The following USP40 variants were observed in gnomAD, a reference collection of about 807,000 sequenced individuals.
USP40 encodes ubiquitin specific peptidase 40.
USP40 carries 143 observed loss-of-function variants against 166.2 expected under a neutral mutation model. That is an observed-to-expected ratio of 0.86 (90% CI 0.75 to 0.99). USP40 has a LOEUF of 0.99. USP40 is among the 50% of genes least tolerant of loss of function. USP40 has a pLI of 0.00. For synonymous variants in USP40, 498 were observed against 524.0 expected (o/e 0.95, Z 0.68); for missense variants, 1,444 against 1,479.7 (o/e 0.98, Z 0.40).
At chr2:233,528,456 G>A (rs1330695294) in intron 12 of USP40, among the ~76,000 whole-genome samples, 5 of 152,144 alleles carry the variant, frequency 3.3e-5, no homozygotes, top group African/African-American at 4.8e-5. Flanking sequence ...GGCTTATCAC[G>A]CAACTCACGT....
intron 31 of USP40, among the ~76,000 whole-genome samples, chr2:233,479,317 T>C (rs774481305): frequency 2.8e-4 from 42 of 152,086 alleles, no homozygotes; most frequent in Non-Finnish European, 5.1e-4. Flanking sequence ...GTAATCCCAG[T>C]ACTTTGGGAG....
In USP40 at chr2:233,554,380, C is replaced by T. The variant is rs769480814; in HGVS notation, c.693G>A (p.Lys231=). ...GTCDRLVKAA[K]SAKLRKLPPF... Reference sequence around the variant, plus strand: ...GGAAAAAGCAGTTATCTGTCTTTACCTTTGCTGCTTTAACCAGCCTGTCAC... The same window carrying T: ...GGAAAAAGCAGTTATCTGTCTTTACTTTTGCTGCTTTAACCAGCCTGTCAC... The change falls in exon 6 of 32, where the codon AAG becomes AAA. Residue 231 remains lysine, a splice_region_variant and synonymous_variant. Transcript: ENST00000678225. 1 of 1,608,036 alleles carries T rather than the reference C, an allele frequency of 6.2e-7. No homozygotes were observed. The highest frequency in any genetic ancestry group is 1.1e-5 in the South Asian group (1 of 89,834).
chr2:233,542,627 G>A (rs1216371251), intron 8 of USP40: 3 of 306,144 alleles, frequency 9.8e-6, no homozygotes, highest in East Asian at 1.4e-4. Flanking sequence ...GCAGTAGGCC[G>A]TGATTGCGCC....
rs142848041 is a variant in USP40 at position 233,499,617 on chromosome 2, T to A, written c.2650+262A>T. On this transcript the variant is annotated intron_variant, in intron 22 of 31. Coordinates refer to ENST00000678225, the MANE Select transcript of USP40 (RefSeq NM_001365479.2). Reference sequence around the variant, plus strand: ...CCACAATGGTTGACCTAATTTACATTCCCACCAACACTGTAAAACATTCCT... The same window carrying A: ...CCACAATGGTTGACCTAATTTACATACCCACCAACACTGTAAAACATTCCT... Among the ~76,000 whole-genome samples, 2,738 of 152,308 alleles carry A rather than the reference T, an allele frequency of 0.018. 31 individuals carry two copies. Among genetic ancestry groups the A allele is most frequent in the South Asian group, 0.029 (140 of 4,814 alleles).
intron 10 of USP40, among the ~76,000 whole-genome samples, chr2:233,539,815 A>G (rs1180446456): frequency 6.6e-6 from 1 of 152,184 alleles, no homozygotes. Context: ...AGAAAATAGA[A>G]AAGCAATAGA....
chr2:233,549,184 T>C lies in USP40; in HGVS notation c.883A>G (p.Ile295Val). Reference protein sequence around the residue: ...LEYIYDLFSVIIHKGGCYGGH... With the variant: ...LEYIYDLFSVVIHKGGCYGGH... ...CCGTAGCAGCCACCTTTGTGTATAATAACTGAGAAGAGGTCATATATATAT... is the reference window on the plus strand; with the variant it reads ...CCGTAGCAGCCACCTTTGTGTATAACAACTGAGAAGAGGTCATATATATAT... The change falls in exon 8 of 32, where the codon ATT (isoleucine) becomes GTT (valine). Residue 295 changes from isoleucine to valine, a missense_variant. Transcript: ENST00000678225. 1.3e-6 allele frequency: 2 copies of C among 1,550,772 alleles called. No individual in the cohort carries two copies. Among genetic ancestry groups the C allele is most frequent in the East Asian group, 2.3e-5 (1 of 43,956 alleles).
chr2:233,481,656 T>C (rs1161997808), intron 30 of USP40: 1 of 268,082 alleles, frequency 3.7e-6, no homozygotes, highest in African/African-American at 2.3e-5. Flanking sequence ...AGCACAGCTG[T>C]TTACTTTATA....
intron 10 of USP40, among the ~76,000 whole-genome samples, chr2:233,539,212 C>CAA (rs56701014): frequency 0.026 from 3,830 of 146,924 alleles, 103 homozygotes; most frequent in East Asian, 0.1. Context: ...ATAGAAAAGG[C>CAA]AAAAAAAAAA....
chr2:233,550,234 A>G (rs561528587), intron 7 of USP40, among the ~76,000 whole-genome samples: 2 of 152,300 alleles, frequency 1.3e-5, no homozygotes, highest in South Asian at 2.1e-4. Context: ...CAAGGTGTAC[A>G]CAAAGATGCC....
At chr2:233,496,693 T>C in intron 24 of USP40, 65 bp downstream of exon 24, 1 of 1,398,204 alleles carries the variant, frequency 7.2e-7, no homozygotes, top group South Asian at 1.2e-5. Context: ...AATGAGGCTG[T>C]ATCATCTCTG....
rs778240329 is a variant in USP40, at chr2:233,485,790, C to T, written c.3385G>A (p.Glu1129Lys). The change falls in exon 29 of 32, where the codon GAG becomes AAG. Residue 1129 changes from glutamate to lysine, a missense_variant. Physicochemically the swap from Glu to Lys is moderately conservative, Grantham distance 56. Transcript: ENST00000678225. ...ACCCAGCTAGATATCGGAAGCCACT[C>T]GAACTTTTCGGGAAAGTATTTGGCA... ...EIAKYFPEKF[E>K]WLPISSWNQQ... 6.2e-6 allele frequency: 10 copies of T among 1,612,452 alleles called. No homozygotes were observed. The East Asian group carries it at 8.9e-5, about 14-fold the overall frequency.
chr2:233,525,951 C>G (rs2067994376), intron 13 of USP40, among the ~76,000 whole-genome samples: 1 of 152,212 alleles, frequency 6.6e-6, no homozygotes, highest in South Asian at 2.1e-4. Context: ...GTAGCCCTGA[C>G]TCTAGCACAC....
At chr2:233,538,150 A>C (rs2069077136) in intron 10 of USP40, among the ~76,000 whole-genome samples, 1 of 152,170 alleles carries the variant, frequency 6.6e-6, no homozygotes, top group African/African-American at 2.4e-5. Flanking sequence ...ATAGATTAAA[A>C]AGCCAACAAA....
chr2:233,535,942 G>A (rs896441522), intron 10 of USP40, among the ~76,000 whole-genome samples: 1 of 152,096 alleles, frequency 6.6e-6, no homozygotes, highest in Non-Finnish European at 1.5e-5. Context: ...ATGTTCATTA[G>A]ATTTTTCTGT....
chr2:233,477,561 G>A (rs1396814821), intron 31 of USP40, 58 bp from the exon 32 acceptor site: 16 of 1,451,970 alleles, frequency 1.1e-5, no homozygotes, highest in Non-Finnish European at 1.5e-5. Context: ...CAGGGTGAGG[G>A]GTTCACGAAG....
At position 233,549,094 on chromosome 2, in the gene USP40, T is replaced by C; in HGVS notation, c.966+7A>G. On this transcript the variant is annotated splice_region_variant and intron_variant, in intron 8 of 31. Transcript: ENST00000678225. ...AAAGATATTTCTAAACGAATTTCTA[T>C]ACGTACTTGAAACTGCCAGTTTCCC... 5.0e-6 allele frequency: 8 copies of C among 1,588,650 alleles called. No individual in the cohort carries two copies. The highest frequency in any genetic ancestry group is 6.8e-6 in the Non-Finnish European group (8 of 1,170,040).
At chr2:233,542,225 A>C (rs1215601769) in intron 9 of USP40, 43 bp downstream of exon 9, 1 of 1,209,838 alleles carries the variant, frequency 8.3e-7, no homozygotes, top group Admixed American at 2.2e-5. Context: ...ACATACACAC[A>C]ATACATACCA....
In USP40 at chr2:233,475,543, GTTTA is replaced by G. The variant is rs925079467; in HGVS notation, c.*1845_*1848del. ...CTAAGGGCTACAACTTTAAAAAATGGTTTATTTTTTTCTTTAACAAAATCGTACA... is the reference window on the plus strand; with the variant it reads ...CTAAGGGCTACAACTTTAAAAAATGGTTTTTTTCTTTAACAAAATCGTACA... On this transcript the variant is annotated 3_prime_UTR_variant, in exon 32 of 32. Coordinates refer to ENST00000678225, the MANE Select transcript of USP40 (RefSeq NM_001365479.2). 2 of 152,328 alleles carry G rather than the reference GTTTA, an allele frequency of 1.3e-5. No individual in the cohort carries two copies. The highest frequency in any genetic ancestry group is 4.8e-5 in the African/African-American group (2 of 41,460). The allele number at this position is 152,328 out of a possible 1,614,324, so 9.4% of individuals were successfully genotyped here.
intron 21 of USP40, among the ~76,000 whole-genome samples, chr2:233,501,599 G>T (rs758282264): frequency 2.6e-5 from 4 of 152,210 alleles, no homozygotes; most frequent in Non-Finnish European, 4.4e-5. Flanking sequence ...AACAGAATGA[G>T]ATGTGGTCAG....
Sources: allele counts gnomAD v4.1 joint callset (sites outside exome capture counted in the v4.1 genomes callset), GRCh38; gene constraint gnomAD v4.1.1; transcripts MANE v1.5; gene names NCBI Gene and HGNC (gene_info 2026-07-23, HGNC 2026-07-21).